Variants in FAM171A1 observed in about 807,000 individuals in gnomAD.
The protein encoded by FAM171A1 is protein FAM171A1.
A neutral mutation model predicts 74.9 loss-of-function variants in FAM171A1; 23 were observed. That is an observed-to-expected ratio of 0.31 (90% CI 0.22 to 0.44). FAM171A1 has a LOEUF of 0.44. FAM171A1 is among the 20% of genes least tolerant of loss of function. The pLI is 1.00. For synonymous variants in FAM171A1, 527 were observed against 505.7 expected, an observed-to-expected ratio of 1.04 and a Z score of -0.57; for missense variants, 1,162 against 1,159.2, an observed-to-expected ratio of 1.00 and a Z score of -0.03.
In FAM171A1 at chr10:15,214,197, A is replaced by T; in HGVS notation, c.1391T>A (p.Phe464Tyr). The T allele has an allele frequency of 1.2e-6, 2 of 1,614,176 alleles. No homozygotes were observed. The highest frequency in any genetic ancestry group is 2.2e-5 in the East Asian group (1 of 44,878). ...CATAGATTTTCTTGCCTTTAAGGGAAAAACCTCCACTGACTTATGGTAGTC... is the reference window on the plus strand; with the variant it reads ...CATAGATTTTCTTGCCTTTAAGGGATAAACCTCCACTGACTTATGGTAGTC... ...GKDYHKSVEV[F>Y]PLKARKSMER... Residue 464 changes from phenylalanine to tyrosine, a missense_variant, in exon 8 of 8, where the codon TTT (phenylalanine) becomes TAT (tyrosine). Physicochemically the swap from Phe to Tyr is conservative, Grantham distance 22 (BLOSUM62 3). Transcript: ENST00000378116.
chr10:15,326,096 A>T (rs953610833), intron 1 of FAM171A1, among the ~76,000 whole-genome samples: 60 of 152,222 alleles, frequency 3.9e-4, no homozygotes, highest in African/African-American at 1.4e-3. Context: ...ATTACTCCCT[A>T]ATTTATCTGT....
At chr10:15,276,363 T>C (rs1205013653) in intron 2 of FAM171A1, among the ~76,000 whole-genome samples, 1 of 151,010 alleles carries the variant, frequency 6.6e-6, no homozygotes, top group Non-Finnish European at 1.5e-5. Flanking sequence ...GCATTTTTGG[T>C]AGATACAGGG....
intron 2 of FAM171A1, among the ~76,000 whole-genome samples, chr10:15,278,446 C>G (rs1834922541): frequency 6.6e-6 from 1 of 152,206 alleles, no homozygotes; most frequent in Non-Finnish European, 1.5e-5. Context: ...GAAACTCACA[C>G]ATCGATGTTT....
chr10:15,253,599 T>C (rs189705162), intron 4 of FAM171A1, among the ~76,000 whole-genome samples: 1 of 152,314 alleles, frequency 6.6e-6, no homozygotes, highest in East Asian at 1.9e-4. Context: ...ATGGATCAAA[T>C]GTTTCAGGTT....
chr10:15,263,598 C>T (rs756098154), intron 3 of FAM171A1, among the ~76,000 whole-genome samples: 4 of 152,200 alleles, frequency 2.6e-5, no homozygotes, highest in Non-Finnish European at 4.4e-5. Context: ...CCTAACACTG[C>T]AGAGAATACG....
At chr10:15,259,255 A>G (rs1482571985) in intron 3 of FAM171A1, among the ~76,000 whole-genome samples, 1 of 152,080 alleles carries the variant, frequency 6.6e-6, no homozygotes, top group African/African-American at 2.4e-5. Flanking sequence ...TTTTGCATCC[A>G]ACAGCGTATG....
At chr10:15,313,822 G>T (rs1475302804) in intron 1 of FAM171A1, among the ~76,000 whole-genome samples, 1 of 152,238 alleles carries the variant, frequency 6.6e-6, no homozygotes, top group Non-Finnish European at 1.5e-5. Flanking sequence ...TTTAAGGTTT[G>T]CAAGAGTGTG....
At chr10:15,238,013 G>A (rs184107668) in intron 5 of FAM171A1, among the ~76,000 whole-genome samples, 1 of 152,218 alleles carries the variant, frequency 6.6e-6, no homozygotes, top group East Asian at 1.9e-4. Flanking sequence ...CTGAACTACG[G>A]CATCTATTCT....
At chr10:15,331,113 C>T (rs2131858815) in intron 1 of FAM171A1, among the ~76,000 whole-genome samples, 1 of 152,224 alleles carries the variant, frequency 6.6e-6, no homozygotes, top group Middle Eastern at 3.4e-3. Context: ...TGGTCTCAAA[C>T]TCCTGACCTC....
intron 6 of FAM171A1, among the ~76,000 whole-genome samples, chr10:15,217,842 A>G (rs1228261454): frequency 6.6e-6 from 1 of 151,944 alleles, no homozygotes; most frequent in Non-Finnish European, 1.5e-5. Context: ...CATCTTGGCC[A>G]GGCTGGTCTT....
intron 1 of FAM171A1, among the ~76,000 whole-genome samples, chr10:15,296,612 AC>A (rs1835164068): frequency 1.3e-5 from 2 of 151,502 alleles, no homozygotes; most frequent in Admixed American, 6.6e-5. Context: ...GGGCACTAGA[AC>A]CCCCCCTAGC....
chr10:15,215,472 TCTC>T (rs1450036350), intron 7 of FAM171A1, among the ~76,000 whole-genome samples: 1 of 151,988 alleles, frequency 6.6e-6, no homozygotes, highest in Non-Finnish European at 1.5e-5. Context: ...TCCAAGCAAT[TCTC>T]CTGCCTCAGC....
intron 5 of FAM171A1, among the ~76,000 whole-genome samples, chr10:15,237,845 A>C (rs1246146393): frequency 6.6e-6 from 1 of 152,158 alleles, no homozygotes; most frequent in Admixed American, 6.5e-5. Context: ...CATCTGGGAA[A>C]GTACAGACAC....
At chr10:15,340,783 G>A (rs7899540) in intron 1 of FAM171A1, among the ~76,000 whole-genome samples, 79,046 of 151,886 alleles carry the variant, frequency 0.52, 21,352 homozygotes, top group Non-Finnish European at 0.61. Context: ...GCAGCAAAGG[G>A]CACCTCCCAA....
chr10:15,343,941 T>C (rs543275987), intron 1 of FAM171A1, among the ~76,000 whole-genome samples: 1 of 152,336 alleles, frequency 6.6e-6, no homozygotes, highest in Admixed American at 6.5e-5. Context: ...AAATGGAAAG[T>C]TCAATAAATT....
intron 1 of FAM171A1, among the ~76,000 whole-genome samples, chr10:15,330,673 C>T (rs1256625120): frequency 6.6e-6 from 1 of 150,734 alleles, no homozygotes; most frequent in African/African-American, 2.4e-5. Context: ...AACACCCAGG[C>T]AGTTTTGAAG....
intron 1 of FAM171A1, among the ~76,000 whole-genome samples, chr10:15,369,085 G>C (rs1228272802): frequency 6.6e-6 from 1 of 152,130 alleles, no homozygotes; most frequent in East Asian, 1.9e-4. Flanking sequence ...AGCCATGGCA[G>C]AAACCTCTTC....
rs1338892735 is a variant in FAM171A1, at chr10:15,248,737, A to G, written c.656T>C (p.Leu219Pro). Residue 219 changes from leucine to proline, a missense_variant, in exon 5 of 8, where the codon CTG becomes CCG. Transcript: ENST00000378116. ...HLLSSNGTPV[L>P]VDGPIYVTVP... ...AGTGACATAGATGGGACCATCCACC[A>G]GCACCGGCGTTCCATTACTGCTCAG... 8.1e-6 allele frequency: 13 copies of G among 1,613,764 alleles called. No homozygotes were observed. The highest frequency in any genetic ancestry group is 1.1e-5 in the Non-Finnish European group (13 of 1,179,876).
rs1835276486 is a variant in FAM171A1 at position 15,305,015 on chromosome 10, G to A, written c.98-20910C>T. On this transcript the variant is annotated intron_variant, in intron 1 of 7. Transcript: ENST00000378116. ...TCCTTCCAAAGTGCTGGGATTACAG[G>A]CATGAGCCACAGCACCCGGCCAAGT... Among the ~76,000 whole-genome samples the A allele has an allele frequency of 2.6e-5, 4 of 152,172 alleles. No individual in the cohort carries two copies. The South Asian group carries it at 8.3e-4, about 32-fold the overall frequency.
Sources: gnomAD v4.1 joint callset for allele counts (sites outside exome capture counted in the v4.1 genomes callset) on GRCh38, gnomAD v4.1.1 for gene constraint, MANE v1.5 for transcripts, NCBI Gene and HGNC (gene_info 2026-07-23, HGNC 2026-07-21) for gene names.